The following SLC16A5 variants were observed in gnomAD, a reference collection of about 807,000 sequenced individuals.
The protein encoded by SLC16A5 is solute carrier family 16 member 5.
SLC16A5 carries 29 observed loss-of-function variants against 33.2 expected under a neutral mutation model. That is an observed-to-expected ratio of 0.87 (90% CI 0.65 to 1.19). The LOEUF is 1.19. Among genes scored for constraint, SLC16A5 ranks in the 50% most tolerant of loss-of-function variants. The probability of loss-of-function intolerance (pLI) is 0.00; values close to 1 mark genes in which losing one functional copy is unlikely to be tolerated. For missense variants in SLC16A5, 606 were observed against 678.2 expected (o/e 0.89, Z 1.18); for synonymous variants, 248 against 284.1 (o/e 0.87, Z 1.28).
intron 3 of SLC16A5, among the ~76,000 whole-genome samples, chr17:75,096,283 C>G (rs527347424): frequency 7.2e-5 from 11 of 151,728 alleles, no homozygotes; most frequent in African/African-American, 2.4e-4. Flanking sequence ...GTGTCCCGCC[C>G]GGCCACACCA....
At chr17:75,092,128 T>G (rs936132950) in intron 2 of SLC16A5, among the ~76,000 whole-genome samples, 5 of 152,052 alleles carry the variant, frequency 3.3e-5, no homozygotes, top group Non-Finnish European at 5.9e-5. Context: ...TGAGCATGTA[T>G]GCATGTGTGT....
chr17:75,093,869 C>T (rs1385925864), intron 3 of SLC16A5, 34 bp downstream of exon 3: 11 of 1,596,696 alleles, frequency 6.9e-6, no homozygotes, highest in Non-Finnish European at 9.4e-6. Context: ...ATGAGAAAGT[C>T]CTAGGGGTTG....
intron 1 of SLC16A5, among the ~76,000 whole-genome samples, chr17:75,088,410 C>A (rs1598142173): frequency 6.6e-6 from 1 of 152,178 alleles, no homozygotes; most frequent in Admixed American, 6.5e-5. Context: ...GGCATGAGGT[C>A]CCAGTTGCCT....
At chr17:75,105,608 G>A (rs1403648898) in intron 6 of SLC16A5, 2 of 985,284 alleles carry the variant, frequency 2.0e-6, no homozygotes, top group East Asian at 1.1e-4. Context: ...CCCAGGGGCT[G>A]GCTGTCATCA....
chr17:75,089,420 G>A (rs541544882), intron 2 of SLC16A5, 116 bp downstream of exon 2: 1 of 152,318 alleles, frequency 6.6e-6, no homozygotes, highest in African/African-American at 2.4e-5. Context: ...CAATAAAGAA[G>A]GGGGTGATCC....
Position 75,100,811 on chromosome 17 carries a change from T to C in SLC16A5, c.1148T>C (p.Leu383Pro). The change falls in exon 5 of 7, where the codon CTG becomes CCG. Residue 383 changes from leucine (L) to proline (P), a missense_variant. Coordinates refer to ENST00000329783, the MANE Select transcript of SLC16A5 (RefSeq NM_004695.4). ...CTTGCTTTCCTCATCTCCCCACCAC[T>C]GGCCGGTGAGGAGCTGGGAGGGAGG... Reference protein sequence around the residue: ...DGLAFLISPPLAGLLLDATNN... With the variant: ...DGLAFLISPPPAGLLLDATNN... 1.9e-6 allele frequency: 3 copies of C among 1,587,424 alleles called. No individual in the cohort carries two copies. The highest frequency in any genetic ancestry group is 2.6e-6 in the Non-Finnish European group (3 of 1,163,860).
chr17:75,107,562 T>C (rs1463983136), downstream of SLC16A5, among the ~76,000 whole-genome samples: 1 of 151,872 alleles, frequency 6.6e-6, no homozygotes, highest in Non-Finnish European at 1.5e-5. Flanking sequence ...CCCAGCACTT[T>C]GGGAGGCTGA....
At chr17:75,104,423 T>C in intron 6 of SLC16A5, 2 of 1,271,836 alleles carry the variant, frequency 1.6e-6, no homozygotes, top group South Asian at 3.6e-5. Flanking sequence ...CTCTTTTTTT[T>C]TTTTTTTTTT....
downstream of SLC16A5, among the ~76,000 whole-genome samples, chr17:75,108,760 A>G (rs775946626): frequency 6.8e-6 from 1 of 147,192 alleles, no homozygotes; most frequent in Non-Finnish European, 1.6e-5. Context: ...AGAAGGATTA[A>G]TAACAAGGGT....
chr17:75,110,073 G>T (rs2073896335), downstream of SLC16A5: 5 of 530,598 alleles, frequency 9.4e-6, no homozygotes, highest in South Asian at 1.0e-4. Context: ...ATTTTCAAAC[G>T]CAACTCCTAC....
intron 3 of SLC16A5, among the ~76,000 whole-genome samples, chr17:75,095,477 C>T (rs2073705539): frequency 6.6e-6 from 1 of 152,126 alleles, no homozygotes; most frequent in Admixed American, 6.5e-5. Flanking sequence ...GTACTGTAGA[C>T]ATTTTATTTT....
intron 3 of SLC16A5, among the ~76,000 whole-genome samples, chr17:75,096,825 C>CCT (rs2073725316): frequency 6.9e-6 from 1 of 144,554 alleles, no homozygotes; most frequent in Admixed American, 7.0e-5. Context: ...AGCCACCACG[C>CCT]ATGGCCACTC....
chr17:75,106,908 CA>C (rs1001054824), downstream of SLC16A5, among the ~76,000 whole-genome samples: 33 of 147,672 alleles, frequency 2.2e-4, no homozygotes, highest in African/African-American at 8.2e-4. Flanking sequence ...AACAAACAAA[CA>C]AAAAAAACAC....
intron 3 of SLC16A5, among the ~76,000 whole-genome samples, chr17:75,094,897 C>T (rs1340880247): frequency 6.6e-6 from 1 of 152,114 alleles, no homozygotes; most frequent in Non-Finnish European, 1.5e-5. Context: ...CTGACCCCAG[C>T]GTTGGGAGCA....
At position 75,105,901 on chromosome 17, in the gene SLC16A5, A is replaced by C. The variant is rs746971505; in HGVS notation, c.1386A>C (p.Pro462=). Residue 462 remains proline (P), a synonymous_variant, in exon 7 of 7, where the codon CCA becomes CCC. Coordinates refer to ENST00000329783, the MANE Select transcript of SLC16A5 (RefSeq NM_004695.4). ...PEIMCQSSRQ[P]RPAGVNKHLW... is the part of the protein sequence containing the mutation. ...ACAGGTGCCAGTCTTCCCGCCAGCC[A>C]CGTCCAGCTGGCGTCAATAAGCATC... The C allele has an allele frequency of 1.9e-6, 3 of 1,606,464 alleles. No homozygotes were observed. The East Asian group carries it at 6.7e-5, about 36-fold the overall frequency.
chr17:75,104,827 C>A (rs191032828), intron 6 of SLC16A5: 23 of 985,238 alleles, frequency 2.3e-5, no homozygotes, highest in Non-Finnish European at 2.8e-5. Flanking sequence ...CCAGGGTACT[C>A]GGGGCCCAGG....
At chr17:75,093,314 G>A in intron 2 of SLC16A5, 1 of 1,159,200 alleles carries the variant, frequency 8.6e-7, no homozygotes, top group Non-Finnish European at 1.2e-6. Context: ...ATTGCCTGGT[G>A]CCACCTGCCC....
At chr17:75,101,051 A>G (rs952354195) in intron 5 of SLC16A5, among the ~76,000 whole-genome samples, 3 of 151,640 alleles carry the variant, frequency 2.0e-5, no homozygotes, top group African/African-American at 7.3e-5. Flanking sequence ...GATCGAGACC[A>G]TCCTGGCCAA....
At chr17:75,099,610 T>C (rs1331660531) in intron 4 of SLC16A5, among the ~76,000 whole-genome samples, 3 of 151,502 alleles carry the variant, frequency 2.0e-5, no homozygotes, top group Non-Finnish European at 2.9e-5. Flanking sequence ...TAAGCCTGGC[T>C]AATTTTTTTG....
Sources: gnomAD v4.1 joint callset for allele counts (sites outside exome capture counted in the v4.1 genomes callset) on GRCh38, gnomAD v4.1.1 for gene constraint, MANE v1.5 for transcripts, NCBI Gene and HGNC (gene_info 2026-07-23, HGNC 2026-07-21) for gene names.